Variants in ARHGAP10 observed in about 807,000 individuals in gnomAD.
ARHGAP10 encodes the protein rho GTPase-activating protein 10.
ARHGAP10 carries 87 observed loss-of-function variants against 108.6 expected under a neutral mutation model. The ratio of observed to expected loss-of-function variants is 0.80; its 90% CI spans 0.67 to 0.96. The LOEUF (loss-of-function observed/expected upper bound fraction) is 0.96, where lower values mean the gene tolerates loss of function less well. ARHGAP10 is among the 40% of genes least tolerant of loss of function. The pLI, the probability that ARHGAP10 is intolerant of heterozygous loss-of-function variation, is 0.00. For missense variants in ARHGAP10, 939 were observed against 954.5 expected, an observed-to-expected ratio of 0.98 and a Z score of 0.21; for synonymous variants, 347 against 341.1, an observed-to-expected ratio of 1.02 and a Z score of -0.19.
rs867672552 is a variant in ARHGAP10, at chr4:147,986,535, T to A, written c.1716+19696T>A. Among the ~76,000 whole-genome samples the A allele has an allele frequency of 2.2e-4, 34 of 152,292 alleles. 1 individual carries two copies. Among genetic ancestry groups the A allele is most frequent in the Non-Finnish European group, 1.6e-4 (11 of 68,012 alleles). The stretch of plus-strand genomic sequence containing the variant: ...AGGAAAGCAAACTCCTCTCCCCTGG[T>A]CACCTACCCTCTCCTCATACTGCTT... On this transcript the variant is annotated intron_variant, in intron 18 of 22. Coordinates refer to ENST00000336498, the MANE Select transcript of ARHGAP10 (RefSeq NM_024605.4).
At chr4:147,785,083 T>TAAAAAAAAAAAAAAAAA (rs368685839) in intron 1 of ARHGAP10, among the ~76,000 whole-genome samples, 1 of 118,802 alleles carries the variant, frequency 8.4e-6, no homozygotes, top group Non-Finnish European at 1.7e-5. Context: ...GACTATTTTC[T>TAAAAAAAAAAAAAAAAA]AAAAAAAAAA....
At chr4:147,856,953 A>G (rs1194800613) in intron 4 of ARHGAP10, among the ~76,000 whole-genome samples, 2 of 152,148 alleles carry the variant, frequency 1.3e-5, no homozygotes, top group African/African-American at 4.8e-5. Context: ...CTGGGGTTCA[A>G]GTGATTCTCA....
At chr4:147,947,388 C>T (rs1035237028) in intron 15 of ARHGAP10, among the ~76,000 whole-genome samples, 10 of 151,742 alleles carry the variant, frequency 6.6e-5, no homozygotes, top group South Asian at 2.1e-4. Flanking sequence ...CCATGGCAAA[C>T]GAATGGCCTA....
At chr4:147,893,434 AATAT>A in intron 10 of ARHGAP10, among the ~76,000 whole-genome samples, 1 of 147,660 alleles carries the variant, frequency 6.8e-6, no homozygotes, top group South Asian at 2.1e-4. Flanking sequence ...TATATATTTC[AATAT>A]ATATATTATT....
At chr4:147,766,225 G>C (rs1006868853) in intron 1 of ARHGAP10, among the ~76,000 whole-genome samples, 4 of 152,140 alleles carry the variant, frequency 2.6e-5, no homozygotes, top group African/African-American at 7.2e-5. Flanking sequence ...GGGAGGCAGA[G>C]GTTGCAGCGA....
chr4:147,874,872 C>T, intron 7 of ARHGAP10, 149 bp from the exon 8 acceptor site: 2 of 766,078 alleles, frequency 2.6e-6, no homozygotes, highest in Non-Finnish European at 3.7e-6. Context: ...AGGAGGCACA[C>T]TGGAAAGAAT....
chr4:147,745,107 T>A (rs1473232785), intron 1 of ARHGAP10, among the ~76,000 whole-genome samples: 4 of 148,430 alleles, frequency 2.7e-5, no homozygotes, highest in Admixed American at 2.7e-4. Context: ...CAGGAGGGAG[T>A]AGACAAGGCC....
intron 1 of ARHGAP10, among the ~76,000 whole-genome samples, chr4:147,737,351 CA>C (rs1482598978): frequency 7.4e-6 from 1 of 134,972 alleles, no homozygotes; most frequent in Non-Finnish European, 1.6e-5. Flanking sequence ...TTTGTAAAGA[CA>C]GGGTTTCACT....
intron 1 of ARHGAP10, among the ~76,000 whole-genome samples, chr4:147,744,955 G>A (rs1192672001): frequency 1.3e-5 from 2 of 152,106 alleles, no homozygotes; most frequent in Admixed American, 6.5e-5. Context: ...CAGGGAGAGG[G>A]TCAGGGCAAA....
At chr4:148,025,214 A>T (rs2149665211) in intron 19 of ARHGAP10, among the ~76,000 whole-genome samples, 1 of 152,316 alleles carries the variant, frequency 6.6e-6, no homozygotes, top group African/African-American at 2.4e-5. Context: ...ATAATTCGTT[A>T]AAATTACTTG....
At chr4:147,941,417 A>G (rs929296076) in intron 14 of ARHGAP10, among the ~76,000 whole-genome samples, 1 of 152,208 alleles carries the variant, frequency 6.6e-6, no homozygotes, top group African/African-American at 2.4e-5. Context: ...GTCCCAAGCC[A>G]GTCCTTAACT....
At chr4:147,936,317 C>CA (rs1737931667) in intron 13 of ARHGAP10, among the ~76,000 whole-genome samples, 1 of 97,896 alleles carries the variant, frequency 1.0e-5, no homozygotes. Context: ...CTTTTCCTCT[C>CA]TTTTTTTTTT....
intron 13 of ARHGAP10, among the ~76,000 whole-genome samples, chr4:147,914,190 T>C (rs1190569431): frequency 6.6e-6 from 1 of 152,130 alleles, no homozygotes; most frequent in Non-Finnish European, 1.5e-5. Flanking sequence ...TAATTTGCAG[T>C]CAGTACAATT....
At chr4:147,861,314 G>A (rs1026257584) in intron 5 of ARHGAP10, 2 of 152,482 alleles carry the variant, frequency 1.3e-5, no homozygotes, top group African/African-American at 4.8e-5. Context: ...TGGGAACACG[G>A]TGGCACCCGG....
At position 147,847,088 on chromosome 4, in the gene ARHGAP10, A is replaced by G. The variant is rs1179684742; in HGVS notation, c.313-63A>G. 5.9e-6 allele frequency: 8 copies of G among 1,360,222 alleles called. No homozygotes were observed. The Admixed American group carries it at 1.1e-4, about 19-fold the overall frequency. 84.3% of individuals were successfully genotyped at this position (1,360,222 alleles called of 1,614,324 possible). A position where few individuals can be genotyped will look rare whatever the true frequency, so the allele number is the denominator to read the frequency against. On this transcript the variant is annotated intron_variant, in intron 3 of 22. Transcript: ENST00000336498. ...GTGGGATGGAAGAGGGAAATGAAAT[A>G]CTAATTTTTTCCTTTTTGGAAACCT...
chr4:147,740,143 G>C (rs1728601299), intron 1 of ARHGAP10, among the ~76,000 whole-genome samples: 1 of 151,368 alleles, frequency 6.6e-6, no homozygotes, highest in Admixed American at 6.6e-5. Context: ...CCGCCTCCCA[G>C]GTTCAAGCAA....
intron 10 of ARHGAP10, among the ~76,000 whole-genome samples, chr4:147,885,756 T>C (rs1034507037): frequency 1.6e-4 from 24 of 152,260 alleles, no homozygotes; most frequent in African/African-American, 5.3e-4. Context: ...CTGTTGCTCC[T>C]TTAAATGTTG....
chr4:147,915,428 G>T (rs1190646483), intron 13 of ARHGAP10, among the ~76,000 whole-genome samples: 3 of 152,118 alleles, frequency 2.0e-5, no homozygotes, highest in Non-Finnish European at 4.4e-5. Flanking sequence ...TGTGTCATTT[G>T]CATGCTTATT....
At chr4:147,814,904 A>G (rs1007745930) in intron 1 of ARHGAP10, among the ~76,000 whole-genome samples, 1 of 152,184 alleles carries the variant, frequency 6.6e-6, no homozygotes, top group Non-Finnish European at 1.5e-5. Flanking sequence ...ATTTCAGTAT[A>G]TAAATTTGGG....
Sources: allele counts gnomAD v4.1 joint callset (sites outside exome capture counted in the v4.1 genomes callset), GRCh38; gene constraint gnomAD v4.1.1; transcripts MANE v1.5; gene names NCBI Gene and HGNC (gene_info 2026-07-23, HGNC 2026-07-21).